Variants in CCHCR1 observed in about 807,000 individuals in gnomAD.
CCHCR1 encodes coiled-coil alpha-helical rod protein 1.
CCHCR1 carries 91 observed loss-of-function variants against 114.6 expected under a neutral mutation model. The observed-to-expected ratio is 0.79, with a 90% CI of 0.67 to 0.94. CCHCR1 has a LOEUF of 0.94. CCHCR1 is among the 40% of genes least tolerant of loss of function. The pLI is 0.00. For synonymous variants in CCHCR1, 379 were observed against 428.5 expected (o/e 0.88, Z 1.43); for missense variants, 899 against 1,079.9 (o/e 0.83, Z 2.35).
At chr6:31,149,589 T>A (rs1774907966) in intron 8 of CCHCR1, 1 of 153,078 alleles carries the variant, frequency 6.5e-6, no homozygotes, top group Non-Finnish European at 1.5e-5. Context: ...ACTACAGGAA[T>A]GAGCCACTAT....
rs559706058 is a variant in CCHCR1, at chr6:31,148,213, G to A, written c.1580+192C>T. Among the ~76,000 whole-genome samples the A allele has an allele frequency of 1.1e-4, 17 of 152,266 alleles. No individual in the cohort carries two copies. In the East Asian group the frequency reaches 3.3e-3, roughly 29 times the overall value. ...CGGGAAATTCATAACAAGCAATCAG[G>A]TATGAATGCAGAAGGGGCTTCCCCA... On this transcript the variant is annotated intron_variant, in intron 10 of 17. Coordinates refer to ENST00000396268, the MANE Select transcript of CCHCR1 (RefSeq NM_001105564.2).
chr6:31,146,671 C>T (rs9263748), intron 10 of CCHCR1, among the ~76,000 whole-genome samples: 23,644 of 152,226 alleles, frequency 0.16, 1,926 homozygotes, highest in Non-Finnish European at 0.17. Flanking sequence ...CCTACCACAG[C>T]CCTTATTAAA....
rs1003306936 is a variant in CCHCR1 at position 31,154,914 on chromosome 6, G to A, written c.498-115C>T. On this transcript the variant is annotated intron_variant, in intron 3 of 17. Coordinates refer to ENST00000396268, the MANE Select transcript of CCHCR1 (RefSeq NM_001105564.2). The surrounding 1 kb of genome is among the most constrained non-coding windows in gnomAD (Gnocchi z 4.1). ...GACCCCTCTGCTTCCGTGTGGGGAG[G>A]TGAAGGGGGTGCTGAAGCTGGGGTA... 5.3e-6 allele frequency: 5 copies of A among 935,978 alleles called. No homozygotes were observed. The highest frequency in any genetic ancestry group is 1.7e-5 in the African/African-American group (1 of 60,180). 58.0% of individuals were successfully genotyped at this position (935,978 alleles called of 1,614,324 possible).
intron 10 of CCHCR1, 52 bp downstream of exon 10, chr6:31,148,353 G>A: frequency 8.5e-7 from 1 of 1,180,452 alleles, no homozygotes; most frequent in African/African-American, 1.5e-5. Context: ...AAGGTGCCCA[G>A]GAACCTGAGG....
At chr6:31,149,514 T>C (rs1774895462) in intron 8 of CCHCR1, 1 of 152,576 alleles carries the variant, frequency 6.6e-6, no homozygotes, top group Non-Finnish European at 1.5e-5. Flanking sequence ...CACAGTTCAC[T>C]GTGGCCTCGC....
intron 11 of CCHCR1, 56 bp from the exon 12 acceptor site, chr6:31,145,549 G>A (rs9263745): frequency 0.15 from 233,386 of 1,569,050 alleles, 18,447 homozygotes; most frequent in Non-Finnish European, 0.16. Context: ...GAGAAAGTGG[G>A]GACAGGGAGT....
Position 31,150,802 on chromosome 6 carries a change from C to T in CCHCR1, c.1024G>A (p.Val342Ile). ...ACCTCAGAAGGCACTTGTTCCCCAACATATTTTCTTAGATTCTCAACCAGG... is the reference window on the plus strand; with the variant it reads ...ACCTCAGAAGGCACTTGTTCCCCAATATATTTTCTTAGATTCTCAACCAGG... Reference protein sequence around the residue: ...VTLVENLRKYVGEQVPSEVHS... With the variant: ...VTLVENLRKYIGEQVPSEVHS... The change falls in exon 6 of 18, where the codon GTT (valine) becomes ATT (isoleucine). Residue 342 changes from valine to isoleucine, a missense_variant. Physicochemically the swap from Val to Ile is conservative, Grantham distance 29. Transcript: ENST00000396268. The surrounding 1 kb of genome is among the most constrained non-coding windows in gnomAD (Gnocchi z 5.3). 3.1e-6 allele frequency: 5 copies of T among 1,613,110 alleles called. 1 individual carries two copies. The African/African-American group carries it at 6.7e-5, about 21-fold the overall frequency.
chr6:31,151,384 C>T lies in CCHCR1; in HGVS notation c.802-262G>A, dbSNP rs1429636073. On this transcript the variant is annotated intron_variant, in intron 4 of 17. Transcript: ENST00000396268. The surrounding 1 kb of genome is among the most constrained non-coding windows in gnomAD (Gnocchi z 4.1). ...CAACCCTCATCTTTTGCCTGGGCAACAGCGACCATCTCCTAACTAGTCTTT... is the reference window on the plus strand; with the variant it reads ...CAACCCTCATCTTTTGCCTGGGCAATAGCGACCATCTCCTAACTAGTCTTT... Among the ~76,000 whole-genome samples the T allele has an allele frequency of 6.6e-6, 1 of 152,200 alleles. No homozygotes were observed. Among genetic ancestry groups the T allele is most frequent in the African/African-American group, 2.4e-5 (1 of 41,462 alleles).
At chr6:31,148,346 G>A in intron 10 of CCHCR1, 59 bp downstream of exon 10, 2 of 1,074,446 alleles carry the variant, frequency 1.9e-6, no homozygotes, top group Non-Finnish European at 2.8e-6. Flanking sequence ...CAGCAACAAG[G>A]TGCCCAGGAA....
At position 31,142,507 on chromosome 6, in the gene CCHCR1, G is replaced by C; in HGVS notation, c.*85C>G. The C allele has an allele frequency of 2.2e-6, 3 of 1,352,408 alleles. No homozygotes were observed. In the South Asian group the frequency reaches 3.9e-5, roughly 17 times the overall value. 83.8% of individuals were successfully genotyped at this position (1,352,408 alleles called of 1,614,324 possible). On this transcript the variant is annotated 3_prime_UTR_variant, in exon 18 of 18. Transcript: ENST00000396268. ...CTGGTATCCCCCAGGGCAACCCCAG[G>C]ATGGGGAAGGGCTGGTCTGTCCCCA...
chr6:31,151,008 C>A lies in CCHCR1; in HGVS notation c.916G>T (p.Glu306Ter), dbSNP rs1775144927. 1.9e-6 allele frequency: 3 copies of A among 1,613,078 alleles called. No individual in the cohort carries two copies. The highest frequency in any genetic ancestry group is 1.7e-6 in the Non-Finnish European group (2 of 1,180,036). Residue 306 changes from glutamate to a stop codon, truncating the protein, a stop_gained, in exon 5 of 18, where the codon GAG becomes TAG. Coordinates refer to ENST00000396268, the MANE Select transcript of CCHCR1 (RefSeq NM_001105564.2). LOFTEE classifies it high-confidence loss of function. This position sits in a 1 kb window ranked among gnomAD's most constrained non-coding sequence, Gnocchi z 4.1. Reference sequence around the variant, plus strand: ...GCCTCCCTCTGAGCCTCGGCCAGCTCCTTGGCTTCCCCTGCTCTTCTGGTT... The same window carrying A: ...GCCTCCCTCTGAGCCTCGGCCAGCTACTTGGCTTCCCCTGCTCTTCTGGTT... ...LETRRAGEAK[E>*]LAEAQREAEL...
rs1775292951 is a variant in CCHCR1, at chr6:31,151,998, C to T, written c.802-876G>A. Among the ~76,000 whole-genome samples, 1 of 152,156 alleles carries T rather than the reference C, an allele frequency of 6.6e-6. No individual in the cohort carries two copies. Among genetic ancestry groups the T allele is most frequent in the South Asian group, 2.1e-4 (1 of 4,828 alleles). On this transcript the variant is annotated intron_variant, in intron 4 of 17. Coordinates refer to ENST00000396268, the MANE Select transcript of CCHCR1 (RefSeq NM_001105564.2). The surrounding 1 kb of genome is among the most constrained non-coding windows in gnomAD (Gnocchi z 4.1). ...CAAATCTAATCATGTTATTTCCCTG[C>T]TTAAAACCTTTCAACAGGCCGGGCG...
At position 31,150,547 on chromosome 6, in the gene CCHCR1, C is replaced by G; in HGVS notation, c.1120G>C (p.Asp374His). 6.2e-7 allele frequency: 1 copy of G among 1,611,930 alleles called. No individual in the cohort carries two copies. Among genetic ancestry groups the G allele is most frequent in the Non-Finnish European group, 8.5e-7 (1 of 1,179,770 alleles). ...ETMQHLQEDR[D>H]SLHATAELLQ... is the part of the protein sequence containing the mutation. ...AGCTCCGCGGTGGCATGCAGGCTGT[C>G]CCGGTCCTCCTGCAAGTGCTGCGGG... is the stretch of plus-strand genomic sequence containing the variant. Residue 374 changes from aspartate (D) to histidine (H), a missense_variant, in exon 7 of 18, where the codon GAC becomes CAC. By Grantham distance (81) the Asp-to-His change is moderately conservative. Coordinates refer to ENST00000396268, the MANE Select transcript of CCHCR1 (RefSeq NM_001105564.2). This position sits in a 1 kb window ranked among gnomAD's most constrained non-coding sequence, Gnocchi z 5.3.
Position 31,145,773 on chromosome 6 carries a change from A to C in CCHCR1, c.1616T>G (p.Val539Gly). 6.2e-7 allele frequency: 1 copy of C among 1,613,002 alleles called. No individual in the cohort carries two copies. The highest frequency in any genetic ancestry group is 1.1e-5 in the South Asian group (1 of 91,082). Residue 539 changes from valine to glycine, a missense_variant, in exon 11 of 18, where the codon GTG becomes GGG. By Grantham distance (109) the Val-to-Gly change is moderately radical. Transcript: ENST00000396268. The part of the protein sequence containing the change: ...QIWLETTMAK[V>G]EGAAAQLPSL... ...GGGAAGCTGGGCGGCAGCCCCTTCC[A>C]CCTTAGCCATGGTGGTCTCGAGCCA...
rs539241925 is a variant in CCHCR1, at chr6:31,152,441, C to T, written c.802-1319G>A. 3.6e-3 allele frequency among the ~76,000 whole-genome samples: 516 copies of T among 141,618 alleles called. 5 individuals are homozygous for T. Among genetic ancestry groups the T allele is most frequent in the Middle Eastern group, 0.028 (8 of 286 alleles). 92.9% of individuals were successfully genotyped at this position (141,618 alleles called of 152,430 possible). On this transcript the variant is annotated intron_variant, in intron 4 of 17. Transcript: ENST00000396268. ...GCAAACGCTGCCTCCCAGGTTCAAG[C>T]GATTCTCCTGCCTCACCCTCCTGAG...
intron 10 of CCHCR1, among the ~76,000 whole-genome samples, 165 bp downstream of exon 10, chr6:31,148,240 G>A (rs1379233211): frequency 6.6e-6 from 1 of 152,214 alleles, no homozygotes; most frequent in East Asian, 1.9e-4. Flanking sequence ...GCTTCCCCAG[G>A]AAAAGAAACG....
intron 10 of CCHCR1, 113 bp from the exon 11 acceptor site, chr6:31,145,921 C>T (rs527943565): frequency 1.5e-5 from 10 of 651,678 alleles, no homozygotes; most frequent in African/African-American, 3.6e-5. Flanking sequence ...AAGTACAGAA[C>T]GCACAGCTTC....
chr6:31,148,358 C>T, intron 10 of CCHCR1, 47 bp downstream of exon 10: 1 of 1,223,684 alleles, frequency 8.2e-7, no homozygotes, highest in Non-Finnish European at 1.2e-6. Flanking sequence ...GCCCAGGAAC[C>T]TGAGGTGGCA....
At position 31,156,929 on chromosome 6, in the gene CCHCR1, A is replaced by T. The variant is rs768704837; in HGVS notation, c.299T>A (p.Ile100Asn). 15 of 1,612,784 alleles carry T rather than the reference A, an allele frequency of 9.3e-6. No homozygotes were observed. The highest frequency in any genetic ancestry group is 1.3e-5 in the Non-Finnish European group (15 of 1,179,990). ...MFPPSGSTGLIPPSHFQARPL... is the reference protein window; with the variant it reads ...MFPPSGSTGLNPPSHFQARPL... ...CCGAGCTTGAAAGTGGGAGGGGGGA[A>T]TCAGCCCAGTGGAACCTGAAGAATT... Residue 100 changes from isoleucine (I) to asparagine (N), a missense_variant, in exon 3 of 18, where the codon ATT (isoleucine) becomes AAT (asparagine). By Grantham distance (149) the Ile-to-Asn change is moderately radical. Transcript: ENST00000396268.
Sources: allele counts gnomAD v4.1 joint callset (sites outside exome capture counted in the v4.1 genomes callset), GRCh38; gene constraint gnomAD v4.1.1; non-coding constraint Gnocchi (gnomAD v3.1); transcripts MANE v1.5; gene names NCBI Gene and HGNC (gene_info 2026-07-23, HGNC 2026-07-21).